The following APBA2 variants were observed in gnomAD, a reference collection of about 807,000 sequenced individuals.
APBA2 encodes amyloid-beta A4 precursor protein-binding family A member 2.
In APBA2, 30 loss-of-function variants were observed where a neutral mutation model predicts 75.0. The ratio of observed to expected loss-of-function variants is 0.40; its 90% CI spans 0.30 to 0.54. APBA2 has a LOEUF of 0.54. Ranked by LOEUF, APBA2 falls within the 20% of genes least tolerant of loss-of-function variation. The pLI is 0.49. For missense variants in APBA2, 801 were observed against 1,016.1 expected (o/e 0.79, Z 2.88); for synonymous variants, 444 against 409.6 (o/e 1.08, Z -1.01).
intron 3 of APBA2, among the ~76,000 whole-genome samples, chr15:29,047,650 G>A (rs1178518312): frequency 6.6e-6 from 1 of 152,186 alleles, no homozygotes; most frequent in Non-Finnish European, 1.5e-5. Flanking sequence ...GTGCCTGTTA[G>A]TGCCATTGTT....
intron 4 of APBA2, among the ~76,000 whole-genome samples, chr15:29,062,326 C>T (rs544035106): frequency 5.8e-4 from 88 of 152,320 alleles, no homozygotes; most frequent in African/African-American, 2.0e-3. Flanking sequence ...AACCCCTTCC[C>T]GTGCAGCTCT....
In APBA2 at chr15:29,054,336, G is replaced by A. The variant is rs2041771589; in HGVS notation, c.452G>A (p.Gly151Asp). Reference sequence around the variant, plus strand: ...GACTCGGCGGGCCCGCACCCCCACGGCCACGAGGCTGAAGGCAGCCAGGAC... The same window carrying A: ...GACTCGGCGGGCCCGCACCCCCACGACCACGAGGCTGAAGGCAGCCAGGAC... ...WTDSAGPHPH[G>D]HEAEGSQDYP... Residue 151 changes from glycine to aspartate, a missense_variant, in exon 4 of 15, where the codon GGC becomes GAC. Physicochemically the swap from Gly to Asp is moderately conservative, Grantham distance 94. This residue lies in a region of APBA2 where 434 missense variants were observed against 471.6 expected (regional missense o/e 0.92). Coordinates refer to ENST00000683413, the MANE Select transcript of APBA2 (RefSeq NM_001353788.2). The surrounding 1 kb of genome is among the most constrained non-coding windows in gnomAD (Gnocchi z 6.1). The A allele has an allele frequency of 6.2e-7, 1 of 1,614,030 alleles. No individual in the cohort carries two copies.
intron 3 of APBA2, among the ~76,000 whole-genome samples, chr15:29,010,043 C>T (rs149387327): frequency 2.0e-5 from 3 of 152,128 alleles, no homozygotes; most frequent in Non-Finnish European, 4.4e-5. Flanking sequence ...TTCATTTGCT[C>T]CACATCCTTG....
At chr15:29,045,103 C>CTCTCTCTCTCTCTCTT (rs57446098) in intron 3 of APBA2, among the ~76,000 whole-genome samples, 1,917 of 140,266 alleles carry the variant, frequency 0.014, 67 homozygotes, top group African/African-American at 0.021. Context: ...CTCTCTCTCT[C>CTCTCTCTCTCTCTCTT]GTCTCGCACT....
intron 3 of APBA2, among the ~76,000 whole-genome samples, chr15:29,004,702 G>A (rs1243343105): frequency 6.6e-6 from 1 of 151,936 alleles, no homozygotes; most frequent in Non-Finnish European, 1.5e-5. Context: ...TTTTTGAGAC[G>A]GAGAATCACT....
In APBA2 at chr15:28,988,053, A is replaced by T. The variant is rs562914810; in HGVS notation, c.-94-7700A>T. On this transcript the variant is annotated intron_variant, in intron 2 of 14. Coordinates refer to ENST00000683413, the MANE Select transcript of APBA2 (RefSeq NM_001353788.2). Reference sequence around the variant, plus strand: ...ATTACAGGCATGAGCCACCATGCCCAGCCTGTGGATGTATTTTAAAGCATC... The same window carrying T: ...ATTACAGGCATGAGCCACCATGCCCTGCCTGTGGATGTATTTTAAAGCATC... 1.5e-4 allele frequency among the ~76,000 whole-genome samples: 23 copies of T among 152,104 alleles called. No homozygotes were observed. The South Asian group carries it at 2.3e-3, about 15-fold the overall frequency.
chr15:29,045,603 G>A (rs1175532314), intron 3 of APBA2, among the ~76,000 whole-genome samples: 1 of 152,170 alleles, frequency 6.6e-6, no homozygotes, highest in Admixed American at 6.5e-5. Flanking sequence ...GATACCTATG[G>A]AGAGCTTGTG....
chr15:28,914,174 G>A (rs1173513343), intron 1 of APBA2, among the ~76,000 whole-genome samples: 1 of 152,282 alleles, frequency 6.6e-6, no homozygotes, highest in African/African-American at 2.4e-5. Flanking sequence ...TTCCATTGGT[G>A]CTGCAGTTGA....
Position 29,039,098 on chromosome 15 carries a change from G to GGTGTGTGTGTGTGT in APBA2, c.-40-14702_-40-14689dup, listed in dbSNP as rs57326919. Among the ~76,000 whole-genome samples, 74 of 106,292 alleles carry GGTGTGTGTGTGTGT rather than the reference G, an allele frequency of 7.0e-4. 1 individual carries two copies. Among genetic ancestry groups the GGTGTGTGTGTGTGT allele is most frequent in the Middle Eastern group, 5.6e-3 (1 of 180 alleles). 69.7% of individuals were successfully genotyped at this position (106,292 alleles called of 152,430 possible). ...CAGCCTTATTTCAGCTGTATGTCAGGGTGTGTGTGTGTGTGTGTGTGTGTG... is the reference window on the plus strand; with the variant it reads ...CAGCCTTATTTCAGCTGTATGTCAGGGTGTGTGTGTGTGTGTGTGTGTGTGTGTGTGTGTGTGTG... On this transcript the variant is annotated intron_variant, in intron 3 of 14. Coordinates refer to ENST00000683413, the MANE Select transcript of APBA2 (RefSeq NM_001353788.2).
chr15:29,075,617 G>A (rs2042817067), intron 5 of APBA2, among the ~76,000 whole-genome samples: 1 of 152,198 alleles, frequency 6.6e-6, no homozygotes, highest in Non-Finnish European at 1.5e-5. Context: ...AGCTAACAGT[G>A]CTATGATGGA....
At chr15:29,075,122 G>T (rs1566976570) in intron 5 of APBA2, 121 bp downstream of exon 5, 1 of 825,442 alleles carries the variant, frequency 1.2e-6, no homozygotes, top group South Asian at 1.4e-5. Context: ...GTGCCTGGGG[G>T]AGAGGGAGTC....
intron 14 of APBA2, among the ~76,000 whole-genome samples, chr15:29,116,806 G>T (rs1003550498): frequency 6.6e-5 from 10 of 152,142 alleles, no homozygotes; most frequent in African/African-American, 2.4e-4. Flanking sequence ...GGTGTCAGCT[G>T]GACTGGAAGC....
chr15:28,929,880 G>C (rs1210422795), intron 2 of APBA2, among the ~76,000 whole-genome samples: 2 of 152,168 alleles, frequency 1.3e-5, no homozygotes, highest in East Asian at 1.9e-4. Flanking sequence ...ATTCCGTCAA[G>C]GGGAGGGAGA....
At chr15:29,114,969 G>A (rs925720171) in intron 14 of APBA2, among the ~76,000 whole-genome samples, 1 of 151,380 alleles carries the variant, frequency 6.6e-6, no homozygotes, top group Non-Finnish European at 1.5e-5. Context: ...GAGTGGGTGT[G>A]AGGCATGGGG....
chr15:28,980,944 T>TC (rs1429776476), intron 2 of APBA2, among the ~76,000 whole-genome samples: 10 of 152,190 alleles, frequency 6.6e-5, no homozygotes, highest in African/African-American at 2.2e-4. Context: ...GGGAGAGGAC[T>TC]CCCTATTCAG....
At chr15:29,091,306 G>A (rs2043560279) in intron 6 of APBA2, among the ~76,000 whole-genome samples, 1 of 152,138 alleles carries the variant, frequency 6.6e-6, no homozygotes, top group Non-Finnish European at 1.5e-5. Context: ...AGACGGCTGG[G>A]AGCACAGGTG....
rs371124317 is a variant in APBA2 at position 29,117,439 on chromosome 15, AGT to A, written c.*313_*314del. Reference sequence around the variant, plus strand: ...GTCTCGGTAGCTGTGCGTGGTGTGGAGTGTGTGTCTTTCCTCCCTGAAGCTGT... The same window carrying A: ...GTCTCGGTAGCTGTGCGTGGTGTGGAGTGTGTCTTTCCTCCCTGAAGCTGT... On this transcript the variant is annotated 3_prime_UTR_variant, in exon 15 of 15. Coordinates refer to ENST00000683413, the MANE Select transcript of APBA2 (RefSeq NM_001353788.2). The A allele has an allele frequency of 1.5e-5, 7 of 463,086 alleles. No individual in the cohort carries two copies. Among genetic ancestry groups the A allele is most frequent in the Admixed American group, 3.5e-5 (1 of 28,486 alleles). 28.7% of individuals were successfully genotyped at this position (463,086 alleles called of 1,614,324 possible).
chr15:28,943,140 C>T (rs981476202), intron 2 of APBA2, among the ~76,000 whole-genome samples: 2 of 152,208 alleles, frequency 1.3e-5, no homozygotes, highest in African/African-American at 4.8e-5. Context: ...CCTGAGGCCA[C>T]AGGGTTGTCT....
intron 6 of APBA2, among the ~76,000 whole-genome samples, chr15:29,084,522 C>T (rs1031046416): frequency 6.6e-6 from 1 of 152,176 alleles, no homozygotes; most frequent in Non-Finnish European, 1.5e-5. Flanking sequence ...TTAAATATTT[C>T]ATATTGTATC....
Sources: gnomAD v4.1 joint callset for allele counts (sites outside exome capture counted in the v4.1 genomes callset) on GRCh38, gnomAD v4.1.1 for gene constraint, gnomAD v4.1.1 regional missense constraint, Gnocchi (gnomAD v3.1) non-coding constraint, MANE v1.5 for transcripts, NCBI Gene and HGNC (gene_info 2026-07-23, HGNC 2026-07-21) for gene names.